Variants in RBFOX1 observed in about 807,000 individuals in gnomAD.
The protein encoded by RBFOX1 is RNA binding fox-1 homolog 1, also known as RNA binding protein fox-1 homolog 1.
A neutral mutation model predicts 57.7 loss-of-function variants in RBFOX1; 8 were observed. That is an observed-to-expected ratio of 0.14 (90% confidence interval 0.08 to 0.25). The LOEUF (loss-of-function observed/expected upper bound fraction) is 0.25, where lower values mean the gene tolerates loss of function less well. Among genes scored for constraint, RBFOX1 ranks in the 10% least tolerant of loss-of-function variants. The pLI, the probability that RBFOX1 is intolerant of heterozygous loss-of-function variation, is 1.00. For synonymous variants in RBFOX1, 326 were observed against 222.4 expected (o/e 1.47, Z -4.15); for missense variants, 611 against 548.5 (o/e 1.11, Z -1.14).
intron 3 of RBFOX1, among the ~76,000 whole-genome samples, chr16:7,006,179 T>G (rs1316677942): frequency 6.6e-6 from 1 of 151,938 alleles, no homozygotes; most frequent in Non-Finnish European, 1.5e-5. Flanking sequence ...TGAGATGGAG[T>G]CTCACTCTGT....
At chr16:7,136,627 G>A (rs2072066942) in intron 4 of RBFOX1, among the ~76,000 whole-genome samples, 1 of 151,964 alleles carries the variant, frequency 6.6e-6, no homozygotes, top group Non-Finnish European at 1.5e-5. Flanking sequence ...ATGTTGCCCA[G>A]GCTGATCTTG....
chr16:6,939,001 A>C (rs112289260), intron 3 of RBFOX1, among the ~76,000 whole-genome samples: 2 of 152,252 alleles, frequency 1.3e-5, no homozygotes, highest in African/African-American at 4.8e-5. Context: ...CTGTTCTTGT[A>C]GTCACTTTCC....
chr16:6,700,484 C>A (rs982196024), intron 3 of RBFOX1, among the ~76,000 whole-genome samples: 1 of 151,860 alleles, frequency 6.6e-6, no homozygotes, highest in African/African-American at 2.4e-5. Context: ...ATGGTGAAAC[C>A]CTGTCTCTAC....
At chr16:6,874,457 TG>T (rs575268649) in intron 3 of RBFOX1, among the ~76,000 whole-genome samples, 63 of 138,688 alleles carry the variant, frequency 4.5e-4, no homozygotes, top group African/African-American at 1.6e-3. Context: ...TTGCAGTTAG[TG>T]GAAGATCATG....
intron 1 of RBFOX1, 21 bp downstream of exon 1, chr16:6,020,013 T>C: frequency 1.3e-6 from 2 of 1,505,630 alleles, no homozygotes; most frequent in Non-Finnish European, 1.8e-6. Flanking sequence ...GCGGAGTCAT[T>C]GCCTCTGCAC....
intron 3 of RBFOX1, among the ~76,000 whole-genome samples, chr16:6,903,765 C>T (rs981176952): frequency 2.0e-5 from 3 of 152,130 alleles, no homozygotes; most frequent in African/African-American, 7.2e-5. Context: ...AGGCAGAGGG[C>T]TGAGGGCCTT....
intron 3 of RBFOX1, among the ~76,000 whole-genome samples, chr16:6,994,523 T>G (rs2091975060): frequency 6.6e-6 from 1 of 152,180 alleles, no homozygotes; most frequent in African/African-American, 2.4e-5. Context: ...CCGATTTTCT[T>G]GCATTTTTTA....
At chr16:7,072,147 C>G (rs139314266) in intron 4 of RBFOX1, among the ~76,000 whole-genome samples, 2 of 152,302 alleles carry the variant, frequency 1.3e-5, no homozygotes, top group African/African-American at 4.8e-5. Context: ...GTAGTTACAA[C>G]TGTTGTCCTG....
chr16:7,339,880 T>A (rs914400416), intron 4 of RBFOX1, among the ~76,000 whole-genome samples: 1 of 152,224 alleles, frequency 6.6e-6, no homozygotes, highest in African/African-American at 2.4e-5. Context: ...GGGCTGTCAC[T>A]CTCCACCTCT....
chr16:5,660,443 T>G (rs914409637), intron 3 of RBFOX1, among the ~76,000 whole-genome samples: 5 of 152,190 alleles, frequency 3.3e-5, no homozygotes, highest in African/African-American at 9.7e-5. Flanking sequence ...TCTAGATGCT[T>G]GTCTCAGACC....
intron 2 of RBFOX1, among the ~76,000 whole-genome samples, chr16:5,499,540 T>C (rs1443187523): frequency 6.6e-6 from 1 of 152,192 alleles, no homozygotes; most frequent in African/African-American, 2.4e-5. Flanking sequence ...TTATAAGATT[T>C]AAACGCAGGT....
At chr16:6,548,006 C>G (rs1371727843) in intron 2 of RBFOX1, among the ~76,000 whole-genome samples, 2 of 152,104 alleles carry the variant, frequency 1.3e-5, no homozygotes, top group Non-Finnish European at 2.9e-5. Context: ...AATCATAGCC[C>G]TTATTATCTA....
At chr16:6,467,469 G>A (rs933044449) in intron 2 of RBFOX1, among the ~76,000 whole-genome samples, 1 of 152,064 alleles carries the variant, frequency 6.6e-6, no homozygotes, top group South Asian at 2.1e-4. Context: ...CTTTATAGTA[G>A]CTGGGTTTTC....
At chr16:6,925,984 C>G (rs1405437271) in intron 3 of RBFOX1, among the ~76,000 whole-genome samples, 2 of 152,068 alleles carry the variant, frequency 1.3e-5, no homozygotes, top group Non-Finnish European at 2.9e-5. Context: ...GAAACCATGT[C>G]AACCGTCAGA....
chr16:5,815,060 C>G (rs940261948), intron 3 of RBFOX1, among the ~76,000 whole-genome samples: 2 of 151,904 alleles, frequency 1.3e-5, no homozygotes, highest in East Asian at 1.9e-4. Context: ...TCTAGCTCAC[C>G]GCAGCCCCAA....
intron 2 of RBFOX1, among the ~76,000 whole-genome samples, chr16:6,505,078 A>G (rs952867627): frequency 7.9e-5 from 12 of 152,174 alleles, no homozygotes; most frequent in Non-Finnish European, 1.8e-4. Flanking sequence ...GTCTCAATAA[A>G]TAAATAAATA....
At chr16:5,605,155 TG>T (rs888389021) in intron 3 of RBFOX1, among the ~76,000 whole-genome samples, 103 of 152,196 alleles carry the variant, frequency 6.8e-4, no homozygotes, top group African/African-American at 2.3e-3. Flanking sequence ...GCTTGTTCCC[TG>T]TTTTACCCTC....
At chr16:6,957,867 G>T (rs748646265) in intron 3 of RBFOX1, among the ~76,000 whole-genome samples, 10 of 152,146 alleles carry the variant, frequency 6.6e-5, no homozygotes, top group Non-Finnish European at 1.2e-4. Context: ...CGTGACAGTT[G>T]CAGATTAGTC....
chr16:7,236,012 C>G (rs1454903254), intron 4 of RBFOX1, among the ~76,000 whole-genome samples: 1 of 152,182 alleles, frequency 6.6e-6, no homozygotes, highest in Non-Finnish European at 1.5e-5. Context: ...AGAGATTTAA[C>G]TAGACCATGG....
Sources: allele counts gnomAD v4.1 joint callset (sites outside exome capture counted in the v4.1 genomes callset), GRCh38; gene constraint gnomAD v4.1.1; transcripts MANE v1.5; gene names NCBI Gene and HGNC (gene_info 2026-07-23, HGNC 2026-07-21).